The following PDZRN3 variants were observed in gnomAD, a reference collection of about 807,000 sequenced individuals.
PDZRN3 encodes the protein PDZ domain containing ring finger 3.
Under a neutral mutation model 85.7 loss-of-function variants are expected in PDZRN3, and 38 were observed. The ratio of observed to expected loss-of-function variants is 0.44; its 90% CI spans 0.34 to 0.58. The LOEUF (loss-of-function observed/expected upper bound fraction) is 0.58. PDZRN3 is among the 20% of genes least tolerant of loss of function. PDZRN3 has a pLI of 0.01. For synonymous variants in PDZRN3, 759 were observed against 638.0 expected (o/e 1.19, Z -2.86); for missense variants, 1,629 against 1,506.4 (o/e 1.08, Z -1.35).
chr3:73,397,532 C>A (rs963894793), intron 5 of PDZRN3, among the ~76,000 whole-genome samples: 5 of 152,206 alleles, frequency 3.3e-5, no homozygotes, highest in African/African-American at 1.2e-4. Flanking sequence ...AAACTCATTT[C>A]TCAGCATGCG....
intron 3 of PDZRN3, among the ~76,000 whole-genome samples, chr3:73,552,509 A>G (rs1182134532): frequency 6.6e-6 from 1 of 152,096 alleles, no homozygotes; most frequent in African/African-American, 2.4e-5. Flanking sequence ...ACAAAATACA[A>G]AGAACATATG....
chr3:73,404,480 G>A, intron 3 of PDZRN3, 85 bp from the exon 4 acceptor site: 2 of 1,396,386 alleles, frequency 1.4e-6, no homozygotes, highest in Non-Finnish European at 2.0e-6. Flanking sequence ...GCTTTCATGT[G>A]TAAGCAGCTA....
At chr3:73,619,334 C>T (rs1056349495) in intron 1 of PDZRN3, among the ~76,000 whole-genome samples, 4 of 152,210 alleles carry the variant, frequency 2.6e-5, no homozygotes, top group Admixed American at 2.0e-4. Context: ...CTGGACAAGA[C>T]AGACTCTTCC....
In PDZRN3 at chr3:73,419,247, A is replaced by G. The variant is rs760671413; in HGVS notation, c.919-14852T>C. On this transcript the variant is annotated intron_variant, in intron 3 of 9. Coordinates refer to ENST00000263666, the MANE Select transcript of PDZRN3 (RefSeq NM_015009.3). ...GAGAGAGAGAGGGGAGTTCATGTAC[A>G]TGACTTTGATTATGTCAAATGTAAG... 2.3e-4 allele frequency among the ~76,000 whole-genome samples: 35 copies of G among 152,208 alleles called. 1 individual carries two copies. Among genetic ancestry groups the G allele is most frequent in the African/African-American group, 2.4e-5 (1 of 41,458 alleles).
intron 3 of PDZRN3, among the ~76,000 whole-genome samples, chr3:73,479,267 A>T (rs1703515464): frequency 6.6e-6 from 1 of 152,320 alleles, no homozygotes; most frequent in African/African-American, 2.4e-5. Context: ...AAGGAAGAAA[A>T]GTTAAATTCC....
rs571069529 is a variant in PDZRN3 at position 73,416,307 on chromosome 3, TACTTGACGTG to T, written c.919-11922_919-11913del. On this transcript the variant is annotated intron_variant, in intron 3 of 9. Transcript: ENST00000263666. Reference sequence around the variant, plus strand: ...TACATTATTCTTTGTTAAGCTAAAATACTTGACGTGTGAGGTCTCAAGACAAAGCAAATGC... The same window carrying T: ...TACATTATTCTTTGTTAAGCTAAAATTGAGGTCTCAAGACAAAGCAAATGC... Among the ~76,000 whole-genome samples, 853 of 152,276 alleles carry T rather than the reference TACTTGACGTG, an allele frequency of 5.6e-3. 8 individuals are homozygous for T. The highest frequency in any genetic ancestry group is 0.02 in the African/African-American group (813 of 41,552).
At chr3:73,398,227 T>G (rs1010658517) in intron 5 of PDZRN3, among the ~76,000 whole-genome samples, 1 of 152,200 alleles carries the variant, frequency 6.6e-6, no homozygotes, top group African/African-American at 2.4e-5. Flanking sequence ...CAGTCGTTCC[T>G]AGGCCCTGAT....
chr3:73,517,426 G>A (rs754746594), intron 3 of PDZRN3, among the ~76,000 whole-genome samples: 18 of 152,032 alleles, frequency 1.2e-4, no homozygotes, highest in Non-Finnish European at 8.8e-5. Flanking sequence ...CATAATTATC[G>A]AGAGCTCTTT....
intron 2 of PDZRN3, among the ~76,000 whole-genome samples, chr3:73,603,585 T>C (rs1406005947): frequency 2.0e-5 from 3 of 152,242 alleles, no homozygotes; most frequent in Admixed American, 1.3e-4. Context: ...AATCTAGTCA[T>C]GGTAAATTCC....
chr3:73,569,869 T>C (rs1702019681), intron 3 of PDZRN3, among the ~76,000 whole-genome samples: 1 of 152,186 alleles, frequency 6.6e-6, no homozygotes, highest in South Asian at 2.1e-4. Flanking sequence ...GTGCCTTGGT[T>C]TCATCATCTG....
At chr3:73,475,137 A>G (rs1183425335) in intron 3 of PDZRN3, among the ~76,000 whole-genome samples, 1 of 152,212 alleles carries the variant, frequency 6.6e-6, no homozygotes, top group Non-Finnish European at 1.5e-5. Flanking sequence ...AAGACAGGCC[A>G]GTCTGGCTCC....
At chr3:73,550,367 T>C (rs1701525173) in intron 3 of PDZRN3, among the ~76,000 whole-genome samples, 1 of 152,262 alleles carries the variant, frequency 6.6e-6, no homozygotes, top group Admixed American at 6.5e-5. Context: ...TCTAAGGCAC[T>C]GGTTCTCAAT....
chr3:73,563,293 C>G (rs1293405486), intron 3 of PDZRN3, among the ~76,000 whole-genome samples: 2 of 151,426 alleles, frequency 1.3e-5, no homozygotes, highest in African/African-American at 4.9e-5. Context: ...CCTCGGCCCC[C>G]CAAAGTGCTG....
chr3:73,388,083 A>AAAG lies in PDZRN3; in HGVS notation c.1417-15_1417-14insCTT, dbSNP rs398106035. On this transcript the variant is annotated splice_polypyrimidine_tract_variant and intron_variant, in intron 7 of 9. Coordinates refer to ENST00000263666, the MANE Select transcript of PDZRN3 (RefSeq NM_015009.3). ...TATCCCATTAATCTTTTAAAAAAAA[A>AAAG]GGGGGGGTGGGGAGAGTGGGGAGAC... is the stretch of plus-strand genomic sequence containing the variant. 1.5e-5 allele frequency: 14 copies of AAAG among 908,086 alleles called. No homozygotes were observed. Among genetic ancestry groups the AAAG allele is most frequent in the Non-Finnish European group, 1.7e-5 (10 of 588,870 alleles). The allele number at this position is 908,086 out of a possible 1,614,324, so 56.3% of individuals were successfully genotyped here.
intron 3 of PDZRN3, among the ~76,000 whole-genome samples, chr3:73,573,998 T>C (rs1261158297): frequency 3.3e-5 from 5 of 152,182 alleles, no homozygotes; most frequent in East Asian, 1.9e-4. Flanking sequence ...TCTAGCTGCC[T>C]GGAAAAGCAT....
At position 73,404,400 on chromosome 3, in the gene PDZRN3, G is replaced by A; in HGVS notation, c.919-5C>T. On this transcript the variant is annotated splice_polypyrimidine_tract_variant and splice_region_variant and intron_variant, in intron 3 of 9. Transcript: ENST00000263666. ...GGATAAGTCTCTGCCGTTGACCTGT[G>A]GAAAAATATTTAGGGTGGGACAAGG... 6.2e-7 allele frequency: 1 copy of A among 1,607,682 alleles called. No homozygotes were observed. The highest frequency in any genetic ancestry group is 8.5e-7 in the Non-Finnish European group (1 of 1,176,898).
intron 3 of PDZRN3, among the ~76,000 whole-genome samples, chr3:73,529,494 C>A (rs769141024): frequency 3.3e-5 from 5 of 152,214 alleles, no homozygotes; most frequent in Non-Finnish European, 5.9e-5. Flanking sequence ...TGCACTGCCA[C>A]CTTTGGGACT....
intron 3 of PDZRN3, among the ~76,000 whole-genome samples, chr3:73,491,592 C>CTTTTTTTTTTTTTTT (rs367581488): frequency 8.5e-6 from 1 of 117,506 alleles, no homozygotes. Context: ...GTGGAAGGTT[C>CTTTTTTTTTTTTTTT]CTTTTTTTTT....
At chr3:73,452,873 G>GTGTGTGTGTGTGTT (rs1231337418) in intron 3 of PDZRN3, among the ~76,000 whole-genome samples, 2 of 148,484 alleles carry the variant, frequency 1.3e-5, no homozygotes, top group Admixed American at 1.3e-4. Context: ...GTGTGTGTGT[G>GTGTGTGTGTGTGTT]TTTTAAGTCC....
Sources: gnomAD v4.1 joint callset for allele counts (sites outside exome capture counted in the v4.1 genomes callset) on GRCh38, gnomAD v4.1.1 for gene constraint, MANE v1.5 for transcripts, NCBI Gene and HGNC (gene_info 2026-07-23, HGNC 2026-07-21) for gene names.